OXR1: variants seen among roughly 807,000 people sequenced by gnomAD.
OXR1 encodes the protein oxidation resistance 1, also known as oxidation resistance protein 1.
A neutral mutation model predicts 104.6 loss-of-function variants in OXR1; 41 were observed. The ratio of observed to expected loss-of-function variants is 0.39; its 90% CI spans 0.31 to 0.51. The LOEUF is 0.51. Ranked by LOEUF, OXR1 falls within the 20% of genes least tolerant of loss-of-function variation. OXR1 has a pLI of 0.77. For missense variants in OXR1, 955 were observed against 1,031.9 expected (o/e 0.93, Z 1.02); for synonymous variants, 348 against 348.4 (o/e 1.00, Z 0.01).
chr8:106,354,045 A>T (rs1287416704), intron 1 of OXR1, among the ~76,000 whole-genome samples: 2 of 151,582 alleles, frequency 1.3e-5, no homozygotes, highest in Non-Finnish European at 2.9e-5. Flanking sequence ...GGTTATCCAA[A>T]TTGTTTCAAA....
At chr8:106,452,528 T>C (rs939581438) in intron 2 of OXR1, among the ~76,000 whole-genome samples, 2 of 152,234 alleles carry the variant, frequency 1.3e-5, no homozygotes, top group African/African-American at 4.8e-5. Flanking sequence ...TCTGTATCTA[T>C]GGATACCTTT....
chr8:106,428,440 T>G (rs1216091270), intron 2 of OXR1, among the ~76,000 whole-genome samples: 1 of 152,176 alleles, frequency 6.6e-6, no homozygotes, highest in Non-Finnish European at 1.5e-5. Flanking sequence ...GCTGGGAGTT[T>G]AAGTATTTCC....
At chr8:106,508,151 T>C (rs1057295923) in intron 2 of OXR1, among the ~76,000 whole-genome samples, 2 of 152,136 alleles carry the variant, frequency 1.3e-5, no homozygotes, top group East Asian at 1.9e-4. Context: ...GAGTGGTTAG[T>C]ACATTAAAAC....
chr8:106,316,752 C>G (rs992002635), intron 1 of OXR1, among the ~76,000 whole-genome samples: 2 of 151,610 alleles, frequency 1.3e-5, no homozygotes, highest in Non-Finnish European at 2.9e-5. Flanking sequence ...ATCTATCTAT[C>G]TATCTATCTA....
At chr8:106,609,527 C>A (rs1820656068) in intron 3 of OXR1, among the ~76,000 whole-genome samples, 1 of 152,092 alleles carries the variant, frequency 6.6e-6, no homozygotes, top group Non-Finnish European at 1.5e-5. Flanking sequence ...ATCAACTATT[C>A]TACATAGGTC....
intron 2 of OXR1, among the ~76,000 whole-genome samples, chr8:106,365,730 C>G (rs1006364395): frequency 2.0e-5 from 3 of 152,090 alleles, no homozygotes; most frequent in Admixed American, 2.0e-4. Flanking sequence ...TTTAGAATAA[C>G]TTTTTAAAAA....
chr8:106,717,561 G>A (rs1347098666), intron 11 of OXR1, among the ~76,000 whole-genome samples: 1 of 152,118 alleles, frequency 6.6e-6, no homozygotes, highest in Non-Finnish European at 1.5e-5. Flanking sequence ...TACATTGACT[G>A]GGGAAGTTTG....
chr8:106,312,173 A>G (rs1813732586), intron 1 of OXR1, among the ~76,000 whole-genome samples: 1 of 152,210 alleles, frequency 6.6e-6, no homozygotes, highest in Admixed American at 6.5e-5. Context: ...TATGTCTTGA[A>G]CATACACCTC....
At chr8:106,305,882 T>C (rs1046695612) in intron 1 of OXR1, among the ~76,000 whole-genome samples, 1 of 152,144 alleles carries the variant, frequency 6.6e-6, no homozygotes, top group African/African-American at 2.4e-5. Flanking sequence ...AGCCACAGTT[T>C]TATACTAGAG....
intron 2 of OXR1, among the ~76,000 whole-genome samples, chr8:106,410,341 T>TA (rs1818411372): frequency 6.6e-6 from 1 of 152,204 alleles, no homozygotes; most frequent in Middle Eastern, 3.2e-3. Flanking sequence ...TCCTGTAACT[T>TA]ACTTGCTTTT....
intron 1 of OXR1, among the ~76,000 whole-genome samples, chr8:106,275,176 G>C (rs1427439550): frequency 6.6e-6 from 1 of 152,226 alleles, no homozygotes; most frequent in Non-Finnish European, 1.5e-5. Context: ...AATCATTAAA[G>C]GGAAAACAGT....
chr8:106,670,901 C>T (rs1218327288), intron 3 of OXR1, among the ~76,000 whole-genome samples: 1 of 151,484 alleles, frequency 6.6e-6, no homozygotes, highest in Non-Finnish European at 1.5e-5. Flanking sequence ...ATATAAAAAT[C>T]AGGCGTGGTG....
At chr8:106,535,081 G>GC (rs1814388650) in intron 3 of OXR1, among the ~76,000 whole-genome samples, 1 of 152,056 alleles carries the variant, frequency 6.6e-6, no homozygotes, top group Non-Finnish European at 1.5e-5. Context: ...TCCTGCCTCA[G>GC]CCCCCCAAGT....
intron 2 of OXR1, among the ~76,000 whole-genome samples, chr8:106,510,061 TGCACCCA>T (rs1373426137): frequency 6.6e-6 from 1 of 152,214 alleles, no homozygotes; most frequent in Admixed American, 6.5e-5. Flanking sequence ...AGTAAGCCAC[TGCACCCA>T]GCCCCAACAC....
intron 2 of OXR1, among the ~76,000 whole-genome samples, chr8:106,450,347 G>T (rs976308718): frequency 6.6e-6 from 1 of 152,068 alleles, no homozygotes; most frequent in South Asian, 2.1e-4. Flanking sequence ...TTTCATGTTT[G>T]TCCGTGTGCT....
intron 2 of OXR1, among the ~76,000 whole-genome samples, chr8:106,399,202 A>G (rs979006287): frequency 1.3e-5 from 2 of 152,160 alleles, no homozygotes; most frequent in African/African-American, 4.8e-5. Context: ...TAATTCCATA[A>G]TTGTCCCAGT....
At chr8:106,348,377 C>T (rs955548407) in intron 1 of OXR1, among the ~76,000 whole-genome samples, 2 of 152,270 alleles carry the variant, frequency 1.3e-5, no homozygotes, top group South Asian at 2.1e-4. Context: ...TGATTTTCCT[C>T]GACTTGTCCC....
At chr8:106,362,396 T>C (rs1816285322) in intron 2 of OXR1, among the ~76,000 whole-genome samples, 1 of 152,168 alleles carries the variant, frequency 6.6e-6, no homozygotes, top group South Asian at 2.1e-4. Flanking sequence ...TACAGGCATA[T>C]TTACAAATAC....
At chr8:106,676,299 C>G (rs1827585317) in intron 3 of OXR1, among the ~76,000 whole-genome samples, 1 of 152,006 alleles carries the variant, frequency 6.6e-6, no homozygotes, top group East Asian at 1.9e-4. Context: ...GACATTTAGC[C>G]CACTTACATT....
Sources: gnomAD v4.1 joint callset for allele counts (sites outside exome capture counted in the v4.1 genomes callset) on GRCh38, gnomAD v4.1.1 for gene constraint, MANE v1.5 for transcripts, NCBI Gene and HGNC (gene_info 2026-07-23, HGNC 2026-07-21) for gene names.